Variants in CLEC17A observed in about 807,000 individuals in gnomAD.
CLEC17A encodes C-type lectin domain family 17, member A.
CLEC17A carries 37 observed loss-of-function variants against 61.3 expected under a neutral mutation model. That is an observed-to-expected ratio of 0.60 (90% CI 0.46 to 0.79). The LOEUF is 0.79. CLEC17A is among the 30% of genes least tolerant of loss of function. The probability of loss-of-function intolerance (pLI) is 0.00; values close to 1 mark genes in which losing one functional copy is unlikely to be tolerated. For synonymous variants in CLEC17A, 168 were observed against 164.9 expected (o/e 1.02, Z -0.14); for missense variants, 418 against 464.7 (o/e 0.90, Z 0.92).
chr19:14,589,650 T>C (rs2074367060), intron 3 of CLEC17A, among the ~76,000 whole-genome samples: 1 of 137,858 alleles, frequency 7.3e-6, no homozygotes, highest in Non-Finnish European at 1.5e-5. Flanking sequence ...TCTCAGGGCC[T>C]GTAAGTTCTG....
chr19:14,587,185 C>T (rs890109954), intron 2 of CLEC17A, among the ~76,000 whole-genome samples: 4 of 151,830 alleles, frequency 2.6e-5, no homozygotes, highest in Non-Finnish European at 4.4e-5. Context: ...GAGCCACCAC[C>T]CCCGGCCCAT....
chr19:14,609,660 A>G (rs1385704350), intron 13 of CLEC17A, among the ~76,000 whole-genome samples: 1 of 151,844 alleles, frequency 6.6e-6, no homozygotes, highest in Non-Finnish European at 1.5e-5. Context: ...CAACATGGTG[A>G]AACCCCGTCT....
intron 10 of CLEC17A, among the ~76,000 whole-genome samples, chr19:14,598,604 G>T (rs903609338): frequency 4.6e-5 from 7 of 152,072 alleles, no homozygotes; most frequent in Admixed American, 4.6e-4. Context: ...CTCCTGAATA[G>T]CTCAGATTAC....
chr19:14,590,771 C>G (rs2074391636), intron 3 of CLEC17A, among the ~76,000 whole-genome samples: 1 of 151,974 alleles, frequency 6.6e-6, no homozygotes, highest in Admixed American at 6.6e-5. Context: ...ACTGCTGTGT[C>G]AACCTCCTGA....
At chr19:14,593,333 CAAAAA>C (rs57379897) in intron 4 of CLEC17A, among the ~76,000 whole-genome samples, 4 of 85,792 alleles carry the variant, frequency 4.7e-5, no homozygotes, top group Admixed American at 1.4e-4. Context: ...CCATCTCTAC[CAAAAA>C]AAAAAAAAAA....
At position 14,597,281 on chromosome 19, in the gene CLEC17A, G is replaced by C. The variant is rs905339774; in HGVS notation, c.646+120G>C. The stretch of plus-strand genomic sequence containing the variant: ...GCTGGGCACTGTGCTAGGTACCAGG[G>C]GGTTAAAATGGTAAACATGTCAGAC... On this transcript the variant is annotated intron_variant, in intron 10 of 13. Transcript: ENST00000417570. 36 of 848,636 alleles carry C rather than the reference G, an allele frequency of 4.2e-5. No homozygotes were observed. The African/African-American group carries it at 5.7e-4, about 14-fold the overall frequency. The allele number at this position is 848,636 out of a possible 1,614,324, so 52.6% of individuals were successfully genotyped here.
chr19:14,597,289 A>C lies in CLEC17A; in HGVS notation c.646+128A>C, dbSNP rs1407940821. 3.8e-6 allele frequency: 3 copies of C among 790,552 alleles called. No individual in the cohort carries two copies. The Admixed American group carries it at 6.4e-5, about 17-fold the overall frequency. The allele number at this position is 790,552 out of a possible 1,614,324, so 49.0% of individuals were successfully genotyped here. ...CTGTGCTAGGTACCAGGGGGTTAAA[A>C]TGGTAAACATGTCAGACACAGTCTT... is the stretch of plus-strand genomic sequence containing the variant. On this transcript the variant is annotated intron_variant, in intron 10 of 13. Coordinates refer to ENST00000417570, the MANE Select transcript of CLEC17A (RefSeq NM_001204118.2).
intron 4 of CLEC17A, among the ~76,000 whole-genome samples, chr19:14,593,710 C>T (rs2074476640): frequency 6.6e-6 from 1 of 151,946 alleles, no homozygotes. Context: ...CCTGTAATCC[C>T]AGCACTTTGG....
chr19:14,587,046 G>C lies in CLEC17A; in HGVS notation c.122-568G>C, dbSNP rs548376210. ...TGGGATTACAGGCAGGCACCACCACGCCCGGCTAGTTTTTGTATTTTTGGT... is the reference window on the plus strand; with the variant it reads ...TGGGATTACAGGCAGGCACCACCACCCCCGGCTAGTTTTTGTATTTTTGGT... On this transcript the variant is annotated intron_variant, in intron 2 of 13. Coordinates refer to ENST00000417570, the MANE Select transcript of CLEC17A (RefSeq NM_001204118.2). Among the ~76,000 whole-genome samples, 21 of 151,572 alleles carry C rather than the reference G, an allele frequency of 1.4e-4. 1 individual carries two copies. The highest frequency in any genetic ancestry group is 4.4e-4 in the African/African-American group (18 of 41,310).
intron 12 of CLEC17A, among the ~76,000 whole-genome samples, chr19:14,601,679 T>C (rs1263553676): frequency 1.3e-5 from 2 of 152,058 alleles, no homozygotes; most frequent in Admixed American, 6.6e-5. Context: ...AGTGCAGTGG[T>C]ATAATCATAG....
upstream of CLEC17A, among the ~76,000 whole-genome samples, chr19:14,581,721 C>T (rs142268208): frequency 9.3e-3 from 1,410 of 152,032 alleles, 5 homozygotes; most frequent in Middle Eastern, 0.034. Flanking sequence ...GATGTGATCT[C>T]GGCTCACTGC....
rs144612141 is a variant in CLEC17A, at chr19:14,593,918, C to T, written c.278-599C>T. Among the ~76,000 whole-genome samples the T allele has an allele frequency of 1.5e-3, 231 of 151,832 alleles. 2 individuals are homozygous for T. The East Asian group carries it at 0.043, about 28-fold the overall frequency. On this transcript the variant is annotated intron_variant, in intron 4 of 13. Transcript: ENST00000417570. Reference sequence around the variant, plus strand: ...CGGAGGTTGCAGTGAGCCAAGATCGCGCCACTGAACTCCAGCCTGGGAGAC... The same window carrying T: ...CGGAGGTTGCAGTGAGCCAAGATCGTGCCACTGAACTCCAGCCTGGGAGAC...
At chr19:14,595,185 C>A in intron 7 of CLEC17A, 89 bp from the exon 8 acceptor site, 1 of 1,483,280 alleles carries the variant, frequency 6.7e-7, no homozygotes, top group Non-Finnish European at 9.4e-7. Flanking sequence ...CCCCTAAATT[C>A]TGACCAGAGA....
intron 2 of CLEC17A, chr19:14,584,373 C>G (rs1463327836): frequency 3.3e-5 from 5 of 152,084 alleles, no homozygotes; most frequent in African/African-American, 1.2e-4. Context: ...CCAGCTTGGG[C>G]AGCATAGCGC....
intron 13 of CLEC17A, among the ~76,000 whole-genome samples, chr19:14,609,694 C>T (rs1455999753): frequency 2.6e-5 from 4 of 151,878 alleles, no homozygotes; most frequent in Admixed American, 6.6e-5. Context: ...AAAAACTAGC[C>T]GGGTGTGGTG....
intron 8 of CLEC17A, 38 bp from the exon 9 acceptor site, chr19:14,596,838 C>T (rs1291678771): frequency 1.9e-6 from 3 of 1,600,492 alleles, no homozygotes; most frequent in Non-Finnish European, 2.6e-6. Flanking sequence ...CTCTGAAGCC[C>T]CAGTATCAGT....
At chr19:14,601,601 A>G (rs563001704) in intron 12 of CLEC17A, among the ~76,000 whole-genome samples, 4 of 152,148 alleles carry the variant, frequency 2.6e-5, no homozygotes, top group African/African-American at 9.6e-5. Context: ...ACATAGGACT[A>G]TAGTATGGTT....
upstream of CLEC17A, among the ~76,000 whole-genome samples, chr19:14,582,026 G>A (rs1228455470): frequency 2.0e-5 from 3 of 152,142 alleles, no homozygotes. Flanking sequence ...CATGGGCTGG[G>A]CCATGCTTCT....
chr19:14,598,563 T>A (rs2146712795), intron 10 of CLEC17A, among the ~76,000 whole-genome samples: 1 of 152,072 alleles, frequency 6.6e-6, no homozygotes, highest in East Asian at 1.9e-4. Context: ...AACCTCCCCC[T>A]CCCAGGTTCA....
Sources: allele counts gnomAD v4.1 joint callset (sites outside exome capture counted in the v4.1 genomes callset), GRCh38; gene constraint gnomAD v4.1.1; transcripts MANE v1.5; gene names NCBI Gene and HGNC (gene_info 2026-07-23, HGNC 2026-07-21).